The following TJP3 variants were observed in gnomAD, a reference collection of about 807,000 sequenced individuals.
The protein encoded by TJP3 is tight junction protein 3.
Under a neutral mutation model 104.2 loss-of-function variants are expected in TJP3, and 85 were observed. The observed-to-expected ratio is 0.82, with a 90% CI of 0.68 to 0.98. The LOEUF is 0.98. Ranked by LOEUF, TJP3 falls within the 50% of genes least tolerant of loss-of-function variation. The pLI is 0.00. For synonymous variants in TJP3, 550 were observed against 550.6 expected, an observed-to-expected ratio of 1.00 and a Z score of 0.02; for missense variants, 1,367 against 1,322.8, an observed-to-expected ratio of 1.03 and a Z score of -0.52.
At chr19:3,740,142 G>A (rs2036793632) in intron 13 of TJP3, among the ~76,000 whole-genome samples, 1 of 152,178 alleles carries the variant, frequency 6.6e-6, no homozygotes, top group Non-Finnish European at 1.5e-5. Context: ...TGAGGCATGA[G>A]AATCGCTTGA....
In TJP3 at chr19:3,728,606, C is replaced by A. The variant is rs770869556; in HGVS notation, c.51C>A (p.Asp17Glu). Residue 17 changes from aspartate (D) to glutamate (E), a missense_variant and splice_region_variant, in exon 3 of 21, where the codon GAC (aspartate) becomes GAA (glutamate). Physicochemically the swap from Asp to Glu is conservative, Grantham distance 45. Transcript: ENST00000541714. ...WEQHTATLSK[D>E]PRRGFGIAIS... The stretch of plus-strand genomic sequence containing the variant: ...TCCTTCCCCTCATCCTCTCTCAGGA[C>A]CCCCGCCGGGGCTTTGGCATTGCGA... 7 of 1,612,056 alleles carry A rather than the reference C, an allele frequency of 4.3e-6. No homozygotes were observed. In the African/African-American group the frequency reaches 8.0e-5, roughly 18 times the overall value.
At position 3,750,658 on chromosome 19, in the gene TJP3, G is replaced by T. The variant is rs758892977; in HGVS notation, c.2734G>T (p.Asp912Tyr). ...GGAGTCCTCCGATGAAGACGGCTAT[G>T]ACTGGGGTCCGGCCACTGACCTGTG... ...DAESSDEDGYDWGPATDL is the reference protein window; with the variant it reads ...DAESSDEDGYYWGPATDL Residue 912 changes from aspartate to tyrosine, a missense_variant, in exon 21 of 21, where the codon GAC becomes TAC. By Grantham distance (160) the Asp-to-Tyr change is radical (BLOSUM62 -3). Coordinates refer to ENST00000541714, the MANE Select transcript of TJP3 (RefSeq NM_001267560.2). The T allele has an allele frequency of 6.2e-7, 1 of 1,605,372 alleles. No individual in the cohort carries two copies. Among genetic ancestry groups the T allele is most frequent in the Non-Finnish European group, 8.5e-7 (1 of 1,176,020 alleles).
At chr19:3,745,395 C>T (rs531371128) in intron 15 of TJP3, among the ~76,000 whole-genome samples, 9 of 152,216 alleles carry the variant, frequency 5.9e-5, no homozygotes, top group Admixed American at 5.9e-4. Context: ...CTACCTGCCT[C>T]AGCCTCCCAA....
At chr19:3,739,184 C>A (rs1177049133) in intron 13 of TJP3, 50 bp downstream of exon 13, 6 of 1,464,888 alleles carry the variant, frequency 4.1e-6, no homozygotes, top group Admixed American at 4.4e-5. Flanking sequence ...CAGCCTCAGT[C>A]TCCCCGTTAG....
chr19:3,726,508 A>G (rs2036597042), intron 1 of TJP3, among the ~76,000 whole-genome samples: 2 of 152,126 alleles, frequency 1.3e-5, no homozygotes, highest in African/African-American at 4.8e-5. Context: ...CTGAGGCAGG[A>G]GAATCGCTTG....
At chr19:3,741,855 A>C (rs1225621777) in intron 14 of TJP3, among the ~76,000 whole-genome samples, 1 of 151,736 alleles carries the variant, frequency 6.6e-6, no homozygotes, top group South Asian at 2.1e-4. Context: ...CTATAATCCC[A>C]GCTACTTGGG....
rs1452651743 is a variant in TJP3, at chr19:3,713,836, C to T, written c.-10+5275C>T. 2.6e-5 allele frequency among the ~76,000 whole-genome samples: 4 copies of T among 151,490 alleles called. No homozygotes were observed. The South Asian group carries it at 8.3e-4, about 32-fold the overall frequency. ...GTTGAAGTGATTCTCCTGCCTCAGC[C>T]TCCCGAGTAGCTGGGACTACAGGCG... On this transcript the variant is annotated intron_variant, in intron 1 of 20. Transcript: ENST00000541714.
intron 8 of TJP3, among the ~76,000 whole-genome samples, chr19:3,735,189 TTTTG>T (rs2036722512): frequency 6.6e-6 from 1 of 151,938 alleles, no homozygotes; most frequent in Non-Finnish European, 1.5e-5. Flanking sequence ...ATTATTTTTA[TTTTG>T]TTTATTTATT....
chr19:3,724,325 A>T (rs569329765), intron 1 of TJP3, among the ~76,000 whole-genome samples: 1 of 151,904 alleles, frequency 6.6e-6, no homozygotes, highest in East Asian at 1.9e-4. Flanking sequence ...CCTCCTGAGT[A>T]GCTGGGACTA....
At chr19:3,723,269 A>G (rs544959964) in intron 1 of TJP3, among the ~76,000 whole-genome samples, 1 of 152,262 alleles carries the variant, frequency 6.6e-6, no homozygotes, top group Admixed American at 6.5e-5. Context: ...AGGATGTATG[A>G]TATGCGTACG....
chr19:3,739,993 G>A (rs2036791016), intron 13 of TJP3, among the ~76,000 whole-genome samples: 1 of 152,138 alleles, frequency 6.6e-6, no homozygotes, highest in Non-Finnish European at 1.5e-5. Context: ...CAGCACTTTG[G>A]GAGGCTGAGG....
chr19:3,736,348 C>A, intron 11 of TJP3, 27 bp downstream of exon 11: 2 of 1,508,552 alleles, frequency 1.3e-6, no homozygotes, highest in Admixed American at 2.3e-5. Context: ...TGGCCAGCCC[C>A]ACTGATCATG....
intron 1 of TJP3, among the ~76,000 whole-genome samples, chr19:3,722,812 C>T (rs2036554330): frequency 1.4e-5 from 2 of 141,532 alleles, no homozygotes; most frequent in African/African-American, 2.6e-5. Context: ...TGTATTTGTT[C>T]GCTGAAACCG....
rs2036712561 is a variant in TJP3, at chr19:3,734,404, A to G, written c.955A>G (p.Ser319Gly). ...IPPPPRHAQRSPEASQTDSPV... is the reference protein window; with the variant it reads ...IPPPPRHAQRGPEASQTDSPV... Reference sequence around the variant, plus strand: ...ACCACCACCCCGGCATGCTCAGCGGAGCCCCGAGGCCAGCCAGACCGACTC... The same window carrying G: ...ACCACCACCCCGGCATGCTCAGCGGGGCCCCGAGGCCAGCCAGACCGACTC... Residue 319 changes from serine (S) to glycine (G), a missense_variant, in exon 8 of 21, where the codon AGC (serine) becomes GGC (glycine). Ser to Gly is a moderately conservative substitution (Grantham distance 56). Transcript: ENST00000541714. 1 of 1,612,148 alleles carries G rather than the reference A, an allele frequency of 6.2e-7. No homozygotes were observed. Among genetic ancestry groups the G allele is most frequent in the South Asian group, 1.1e-5 (1 of 90,874 alleles).
chr19:3,747,707 G>T, intron 18 of TJP3, 87 bp from the exon 19 acceptor site: 1 of 1,427,674 alleles, frequency 7.0e-7, no homozygotes, highest in Non-Finnish European at 9.2e-7. Flanking sequence ...CTTGATTTGG[G>T]ACCAGAGTTT....
chr19:3,730,636 G>T lies in TJP3; in HGVS notation c.543G>T (p.Lys181Asn). Residue 181 changes from lysine (K) to asparagine (N), a missense_variant, in exon 5 of 21, where the codon AAG (lysine) becomes AAT (asparagine). By Grantham distance (94) the Lys-to-Asn change is moderately conservative. Coordinates refer to ENST00000541714, the MANE Select transcript of TJP3 (RefSeq NM_001267560.2). The surrounding 1 kb of genome is among the most constrained non-coding windows in gnomAD (Gnocchi z 7.3). ...ANGLALVSGF[K>N]RLPRQDVQMK... is the part of the protein sequence containing the mutation. ...GGCTGGCCCTGGTGTCCGGCTTTAA[G>T]CGGCTGCCACGGCAGGACGTGCAGA... 6.2e-7 allele frequency: 1 copy of T among 1,612,012 alleles called. No homozygotes were observed.
Position 3,739,062 on chromosome 19 carries a change from G to A in TJP3, c.1559G>A (p.Gly520Asp). 2 of 1,608,454 alleles carry A rather than the reference G, an allele frequency of 1.2e-6. No individual in the cohort carries two copies. Among genetic ancestry groups the A allele is most frequent in the African/African-American group, 1.3e-5 (1 of 74,954 alleles). The change falls in exon 13 of 21, where the codon GGC becomes GAC. Residue 520 changes from glycine to aspartate, a missense_variant. Gly to Asp is a moderately conservative substitution (Grantham distance 94, BLOSUM62 -1). Transcript: ENST00000541714. ...PGPGQSHARG[G>D]HWLAVRMGRD... Reference sequence around the variant, plus strand: ...CCCGGGCAGAGCCACGCACGAGGAGGCCACTGGCTGGCGGTGCGCATGGGT... The same window carrying A: ...CCCGGGCAGAGCCACGCACGAGGAGACCACTGGCTGGCGGTGCGCATGGGT...
At chr19:3,719,010 C>T (rs982394637) in intron 1 of TJP3, among the ~76,000 whole-genome samples, 1 of 151,730 alleles carries the variant, frequency 6.6e-6, no homozygotes, top group African/African-American at 2.4e-5. Flanking sequence ...ATGGTGAAAC[C>T]CCGTCTCTAC....
chr19:3,724,570 T>G (rs2036578868), intron 1 of TJP3, among the ~76,000 whole-genome samples: 1 of 152,132 alleles, frequency 6.6e-6, no homozygotes, highest in Non-Finnish European at 1.5e-5. Context: ...AGGGTCTTGC[T>G]CTGTCGCCCA....
Sources: gnomAD v4.1 joint callset for allele counts (sites outside exome capture counted in the v4.1 genomes callset) on GRCh38, gnomAD v4.1.1 for gene constraint, Gnocchi (gnomAD v3.1) non-coding constraint, MANE v1.5 for transcripts, NCBI Gene and HGNC (gene_info 2026-07-23, HGNC 2026-07-21) for gene names.